STX7: variants seen among roughly 807,000 people sequenced by gnomAD.
STX7 encodes the protein syntaxin 7.
In STX7, 34 loss-of-function variants were observed where a neutral mutation model predicts 39.6. The observed-to-expected ratio is 0.86, with a 90% confidence interval of 0.65 to 1.14. The LOEUF (loss-of-function observed/expected upper bound fraction) is 1.14. Ranked by LOEUF, STX7 falls within the 50% of genes most tolerant of loss-of-function variation. STX7 has a pLI of 0.00. For missense variants in STX7, 284 were observed against 310.4 expected, an observed-to-expected ratio of 0.92 and a Z score of 0.64; for synonymous variants, 119 against 99.1, an observed-to-expected ratio of 1.20 and a Z score of -1.19.
chr6:132,475,697 CA>C (rs1472989729), intron 2 of STX7, 35 bp from the exon 3 acceptor site: 3 of 1,475,672 alleles, frequency 2.0e-6, no homozygotes, highest in Admixed American at 1.8e-5. Flanking sequence ...TTAATTGTCA[CA>C]AAAGTTAAGG....
intron 2 of STX7, among the ~76,000 whole-genome samples, chr6:132,501,950 A>G (rs1454671588): frequency 6.6e-6 from 1 of 151,760 alleles, no homozygotes; most frequent in African/African-American, 2.4e-5. Context: ...AGAGGAGCAA[A>G]GCAGAGCCAA....
chr6:132,508,975 C>T (rs937855140), intron 1 of STX7, among the ~76,000 whole-genome samples: 1 of 152,122 alleles, frequency 6.6e-6, no homozygotes, highest in Non-Finnish European at 1.5e-5. Flanking sequence ...TTCTTATAAG[C>T]CTATCATGTG....
At chr6:132,472,009 CA>C (rs752182120) in intron 4 of STX7, among the ~76,000 whole-genome samples, 43 of 152,122 alleles carry the variant, frequency 2.8e-4, no homozygotes, top group Non-Finnish European at 5.7e-4. Flanking sequence ...CCCGGAAGGC[CA>C]GGAAATAATT....
In STX7 at chr6:132,449,703, A is replaced by G. The variant is rs1461878601; in HGVS notation, c.*11055T>C. On this transcript the variant is annotated 3_prime_UTR_variant, in exon 10 of 10. Coordinates refer to ENST00000367941, the MANE Select transcript of STX7 (RefSeq NM_003569.3). ...ATATATTTCAATAATTAAATTTCAT[A>G]CCTAAGTTGTCTTTGGTTCTTTTTA... 2 of 152,306 alleles carry G rather than the reference A, an allele frequency of 1.3e-5. No individual in the cohort carries two copies. Among genetic ancestry groups the G allele is most frequent in the South Asian group, 2.1e-4 (1 of 4,822 alleles). The allele number at this position is 152,306 out of a possible 1,614,324, so 9.4% of individuals were successfully genotyped here. A position where few individuals can be genotyped will look rare whatever the true frequency, so the allele number is the denominator to read the frequency against.
chr6:132,509,466 ACATAACATAACATAAC>A (rs1775788429), intron 1 of STX7, among the ~76,000 whole-genome samples: 1 of 10,954 alleles, frequency 9.1e-5, no homozygotes, highest in African/African-American at 1.3e-4. Context: ...ACATAACATA[ACATAACATAACATAAC>A]ATAACATAAC....
chr6:132,510,907 C>T (rs1164469564), intron 1 of STX7, among the ~76,000 whole-genome samples: 1 of 152,102 alleles, frequency 6.6e-6, no homozygotes, highest in Non-Finnish European at 1.5e-5. Flanking sequence ...AGTTAAAATC[C>T]GATATACTGT....
intron 2 of STX7, among the ~76,000 whole-genome samples, chr6:132,495,076 G>A (rs1023995245): frequency 1.3e-5 from 2 of 152,308 alleles, no homozygotes; most frequent in South Asian, 2.1e-4. Context: ...CCAAGGGTAA[G>A]AAAGTTCATG....
intron 2 of STX7, among the ~76,000 whole-genome samples, chr6:132,484,916 G>A (rs75008412): frequency 0.015 from 2,309 of 152,266 alleles, 24 homozygotes; most frequent in Non-Finnish European, 0.026. Flanking sequence ...ATATAGGTAG[G>A]CACCGTGTAC....
rs1774367773 is a variant in STX7 at position 132,460,627 on chromosome 6, A to C, written c.*131T>G. 3.2e-6 allele frequency: 2 copies of C among 621,488 alleles called. No homozygotes were observed. Among genetic ancestry groups the C allele is most frequent in the Non-Finnish European group, 2.6e-6 (1 of 390,788 alleles). The allele number at this position is 621,488 out of a possible 1,614,324, so 38.5% of individuals were successfully genotyped here. A position where few individuals can be genotyped will look rare whatever the true frequency, so the allele number is the denominator to read the frequency against. Reference sequence around the variant, plus strand: ...CCAAAGGAACCACCCCAACCCCCCCAATAAAAATAACAAAGTATGGGAACC... The same window carrying C: ...CCAAAGGAACCACCCCAACCCCCCCCATAAAAATAACAAAGTATGGGAACC... On this transcript the variant is annotated 3_prime_UTR_variant, in exon 10 of 10. Coordinates refer to ENST00000367941, the MANE Select transcript of STX7 (RefSeq NM_003569.3).
rs1269417878 is a variant in STX7, at chr6:132,454,705, G to T, written c.*6053C>A. On this transcript the variant is annotated 3_prime_UTR_variant, in exon 10 of 10. Coordinates refer to ENST00000367941, the MANE Select transcript of STX7 (RefSeq NM_003569.3). ...AGAAAAATGTTTGACCACAGATCAG[G>T]AAAAGACATAAGGACAATAGGGTAG... 1 of 151,962 alleles carries T rather than the reference G, an allele frequency of 6.6e-6. No homozygotes were observed. Among genetic ancestry groups the T allele is most frequent in the Admixed American group, 6.6e-5 (1 of 15,256 alleles). The allele number at this position is 151,962 out of a possible 1,614,324, so 9.4% of individuals were successfully genotyped here. A position where few individuals can be genotyped will look rare whatever the true frequency, so the allele number is the denominator to read the frequency against.
chr6:132,501,670 C>T (rs1775561611), intron 2 of STX7, among the ~76,000 whole-genome samples: 2 of 152,098 alleles, frequency 1.3e-5, no homozygotes, highest in South Asian at 4.1e-4. Flanking sequence ...CATTCCTCAT[C>T]CTCAATTCCT....
intron 5 of STX7, 34 bp from the exon 6 acceptor site, chr6:132,470,660 G>A: frequency 1.3e-6 from 2 of 1,559,724 alleles, no homozygotes; most frequent in Non-Finnish European, 1.7e-6. Context: ...GAATGAGAAG[G>A]GGCAAAAAAA....
At position 132,471,446 on chromosome 6, in the gene STX7, T is replaced by C; in HGVS notation, c.387+17A>G. The C allele has an allele frequency of 1.9e-6, 3 of 1,604,852 alleles. 1 individual carries two copies. Among genetic ancestry groups the C allele is most frequent in the South Asian group, 2.2e-5 (2 of 88,986 alleles). ...AGTAACCATGTTCATTTCTAGAATG[T>C]CTTTTAAAATACTTACAGACACTCT... On this transcript the variant is annotated intron_variant, in intron 5 of 9. Coordinates refer to ENST00000367941, the MANE Select transcript of STX7 (RefSeq NM_003569.3).
chr6:132,496,604 A>G (rs1775425194), intron 2 of STX7, among the ~76,000 whole-genome samples: 1 of 152,158 alleles, frequency 6.6e-6, no homozygotes, highest in Non-Finnish European at 1.5e-5. Flanking sequence ...ACATAGAATA[A>G]TCTTGTACCT....
rs924007807 is a variant in STX7, at chr6:132,452,688, G to C, written c.*8070C>G. 1 of 151,970 alleles carries C rather than the reference G, an allele frequency of 6.6e-6. No homozygotes were observed. Among genetic ancestry groups the C allele is most frequent in the African/African-American group, 2.4e-5 (1 of 41,306 alleles). 9.4% of individuals were successfully genotyped at this position (151,970 alleles called of 1,614,324 possible). ...ATCTAACAAAACATGTACAGACCTT[G>C]TATGCTGAAAACCACACAATACTGA... On this transcript the variant is annotated 3_prime_UTR_variant, in exon 10 of 10. Coordinates refer to ENST00000367941, the MANE Select transcript of STX7 (RefSeq NM_003569.3).
chr6:132,473,173 A>T (rs984269302), intron 3 of STX7, among the ~76,000 whole-genome samples: 1 of 152,210 alleles, frequency 6.6e-6, no homozygotes, highest in Non-Finnish European at 1.5e-5. Context: ...AAATAAAAAT[A>T]AAAAGGAAAG....
chr6:132,462,391 G>C (rs1428013607), intron 9 of STX7, among the ~76,000 whole-genome samples: 1 of 152,186 alleles, frequency 6.6e-6, no homozygotes, highest in East Asian at 1.9e-4. Context: ...GGTGTAGCTT[G>C]GGACATGTGC....
chr6:132,464,635 T>G (rs1249338854), intron 8 of STX7, among the ~76,000 whole-genome samples: 1 of 152,238 alleles, frequency 6.6e-6, no homozygotes, highest in Non-Finnish European at 1.5e-5. Context: ...CTTTTCCCTC[T>G]ATGTCTTTGT....
chr6:132,491,879 C>T (rs941197854), intron 2 of STX7, among the ~76,000 whole-genome samples: 4 of 152,184 alleles, frequency 2.6e-5, no homozygotes, highest in East Asian at 3.8e-4. Context: ...CCTCCAATGT[C>T]GTCACCCACT....
Sources: allele counts gnomAD v4.1 joint callset (sites outside exome capture counted in the v4.1 genomes callset), GRCh38; gene constraint gnomAD v4.1.1; transcripts MANE v1.5; gene names NCBI Gene and HGNC (gene_info 2026-07-23, HGNC 2026-07-21).